MYO15A: variants seen among roughly 807,000 people sequenced by gnomAD.
MYO15A encodes myosin XVA, also known as unconventional myosin-XV.
MYO15A carries 308 observed loss-of-function variants against 394.6 expected under a neutral mutation model. The observed-to-expected ratio is 0.78, with a 90% CI of 0.71 to 0.86. MYO15A has a LOEUF of 0.86. Ranked by LOEUF, MYO15A falls within the 40% of genes least tolerant of loss-of-function variation. The pLI, the probability that MYO15A is intolerant of heterozygous loss-of-function variation, is 0.00. For missense variants in MYO15A, 4,606 were observed against 4,799.1 expected (o/e 0.96, Z 1.19); for synonymous variants, 1,957 against 2,003.8 (o/e 0.98, Z 0.62).
chr17:18,162,198 A>C (rs1254725692), intron 57 of MYO15A, among the ~76,000 whole-genome samples: 2 of 152,062 alleles, frequency 1.3e-5, no homozygotes, highest in African/African-American at 4.8e-5. Context: ...TGGGTGAGGG[A>C]GGGCAGCTGG....
intron 6 of MYO15A, 95 bp downstream of exon 6, chr17:18,126,960 C>T (rs1193104699): frequency 6.3e-7 from 1 of 1,593,100 alleles, no homozygotes; most frequent in African/African-American, 1.3e-5. Context: ...GGAAGATTGC[C>T]TGGTACCTCT....
At chr17:18,170,215 C>A (rs193108131) in intron 62 of MYO15A, among the ~76,000 whole-genome samples, 45 of 152,112 alleles carry the variant, frequency 3.0e-4, no homozygotes, top group African/African-American at 1.0e-3. Flanking sequence ...TGATTTTCAA[C>A]CCCCTCGACC....
In MYO15A at chr17:18,121,798, C is replaced by G. The variant is rs765671886; in HGVS notation, c.2998C>G (p.Gln1000Glu). The change falls in exon 2 of 66, where the codon CAG becomes GAG. Residue 1000 changes from glutamine to glutamate, a missense_variant. Coordinates refer to ENST00000647165, the MANE Select transcript of MYO15A (RefSeq NM_016239.4). The surrounding 1 kb of genome is among the most constrained non-coding windows in gnomAD (Gnocchi z 5.3). ...LGRHHEPGPG[Q>E]LTKSAGPTPE... ...CAGACACCATGAGCCGGGGCCTGGA[C>G]AGCTCACCAAATCAGCTGGCCCAAC... The G allele has an allele frequency of 4.3e-6, 7 of 1,612,702 alleles. No homozygotes were observed. The highest frequency in any genetic ancestry group is 5.9e-6 in the Non-Finnish European group (7 of 1,179,886).
chr17:18,126,286 G>C, intron 4 of MYO15A, 61 bp from the exon 5 acceptor site: 1 of 1,342,854 alleles, frequency 7.4e-7, no homozygotes, highest in Admixed American at 1.7e-5. Context: ...CAGCATAGGG[G>C]AGGGAGGGAC....
At chr17:18,124,665 G>A in intron 3 of MYO15A, 100 bp downstream of exon 3, 1 of 1,089,126 alleles carries the variant, frequency 9.2e-7, no homozygotes, top group Non-Finnish European at 1.3e-6. Flanking sequence ...CACCTCCCAG[G>A]ACATTTTCAG....
Position 18,122,029 on chromosome 17 carries a change from C to T in MYO15A, c.3229C>T (p.Pro1077Ser). ...ACDQTRATWP[P>S]WHRWGTLPQA... ...TGACCAGACCAGGGCCACATGGCCA[C>T]CATGGCACCGCTGGGGAACACTGCC... The change falls in exon 2 of 66, where the codon CCA becomes TCA. Residue 1077 changes from proline (P) to serine (S), a missense_variant. Around this residue, in one of 2 missense-constraint regions of MYO15A, gnomAD observed 1,830 missense variants for 1,689.7 expected, o/e 1.08. Transcript: ENST00000647165. The T allele has an allele frequency of 6.2e-7, 1 of 1,613,104 alleles. No individual in the cohort carries two copies. Among genetic ancestry groups the T allele is most frequent in the Non-Finnish European group, 8.5e-7 (1 of 1,180,018 alleles).
intron 15 of MYO15A, among the ~76,000 whole-genome samples, 186 bp downstream of exon 15, chr17:18,136,872 C>A (rs1332624082): frequency 6.6e-6 from 1 of 152,264 alleles, no homozygotes; most frequent in African/African-American, 2.4e-5. Context: ...CAAGTACTCC[C>A]AAGGCCTCTG....
chr17:18,175,571 C>G (rs2047003795), intron 65 of MYO15A, among the ~76,000 whole-genome samples: 1 of 151,996 alleles, frequency 6.6e-6, no homozygotes, highest in Non-Finnish European at 1.5e-5. Flanking sequence ...GAGGGGCGTA[C>G]ATGTGTAAGC....
chr17:18,113,433 C>T (rs1184030943), intron 1 of MYO15A, among the ~76,000 whole-genome samples: 1 of 152,128 alleles, frequency 6.6e-6, no homozygotes, highest in Non-Finnish European at 1.5e-5. Context: ...CTCCTGGCTG[C>T]AGTATTTCTA....
intron 1 of MYO15A, among the ~76,000 whole-genome samples, chr17:18,111,233 G>A (rs2045715923): frequency 6.6e-6 from 1 of 151,768 alleles, no homozygotes; most frequent in African/African-American, 2.4e-5. Flanking sequence ...TGCTTGGGCA[G>A]CTGAGGTGGG....
rs1364037891 is a variant in MYO15A, at chr17:18,147,915, T to C, written c.6510-114T>C. On this transcript the variant is annotated intron_variant, in intron 30 of 65. Transcript: ENST00000647165. This position sits in a 1 kb window ranked among gnomAD's most constrained non-coding sequence, Gnocchi z 4.4. ...TTAGCCTCACCTTGGAGCTCTGGAG[T>C]AGCCTGGGCCTTTCTCAGACTAGCC... is the stretch of plus-strand genomic sequence containing the variant. 1 of 1,335,510 alleles carries C rather than the reference T, an allele frequency of 7.5e-7. No individual in the cohort carries two copies. Among genetic ancestry groups the C allele is most frequent in the Non-Finnish European group, 1.1e-6 (1 of 937,150 alleles). 82.7% of individuals were successfully genotyped at this position (1,335,510 alleles called of 1,614,324 possible). A position where few individuals can be genotyped will look rare whatever the true frequency, so the allele number is the denominator to read the frequency against.
At chr17:18,110,776 A>G (rs888413260) in intron 1 of MYO15A, among the ~76,000 whole-genome samples, 1 of 152,130 alleles carries the variant, frequency 6.6e-6, no homozygotes, top group African/African-American at 2.4e-5. Context: ...CACCCTGGCC[A>G]CCTCTCATTT....
Position 18,137,565 on chromosome 17 carries a change from AC to A in MYO15A, c.4780-14del, listed in dbSNP as rs2046301754. On this transcript the variant is annotated intron_variant, in intron 15 of 65. Transcript: ENST00000647165. ...TGGCCAAGGAAGGACCAGTCCCAGC[AC>A]CCCCATCCACCTGGCAGGACCTGAG... The A allele has an allele frequency of 1.2e-6, 2 of 1,611,606 alleles. No homozygotes were observed. Among genetic ancestry groups the A allele is most frequent in the African/African-American group, 1.3e-5 (1 of 74,984 alleles).
At chr17:18,115,042 T>C (rs2975001) in intron 1 of MYO15A, among the ~76,000 whole-genome samples, 139,314 of 152,198 alleles carry the variant, frequency 0.92, 63,790 homozygotes, top group South Asian at 0.96. Flanking sequence ...ATTTGCTCTG[T>C]CTGCAGCCTT....
Position 18,179,025 on chromosome 17 carries a change from A to G in MYO15A, c.*155A>G. The G allele has an allele frequency of 1.4e-6, 1 of 732,740 alleles. No individual in the cohort carries two copies. Among genetic ancestry groups the G allele is most frequent in the Non-Finnish European group, 2.4e-6 (1 of 424,556 alleles). 45.4% of individuals were successfully genotyped at this position (732,740 alleles called of 1,614,324 possible). On this transcript the variant is annotated 3_prime_UTR_variant, in exon 66 of 66. Coordinates refer to ENST00000647165, the MANE Select transcript of MYO15A (RefSeq NM_016239.4). Reference sequence around the variant, plus strand: ...GGAGGAGCAACTCAAATCCCCAAGAACACAAGAAGACCCATCCTGAACTGG... The same window carrying G: ...GGAGGAGCAACTCAAATCCCCAAGAGCACAAGAAGACCCATCCTGAACTGG...
At chr17:18,138,066 G>GGGGGGGGGGGGA in intron 16 of MYO15A, 49 bp from the exon 17 acceptor site, 1 of 558,810 alleles carries the variant, frequency 1.8e-6, no homozygotes, top group Non-Finnish European at 3.0e-6. Flanking sequence ...GGGTGGGTGG[G>GGGGGGGGGGGGA]CCCTGGACAG....
chr17:18,141,935 C>T, intron 23 of MYO15A, 144 bp from the exon 24 acceptor site: 1 of 1,227,940 alleles, frequency 8.1e-7, no homozygotes, highest in Non-Finnish European at 1.2e-6. Context: ...CTCTCTTCAA[C>T]CTCTCCAAGT....
chr17:18,164,406 A>C (rs898101536), intron 60 of MYO15A: 2 of 183,938 alleles, frequency 1.1e-5, no homozygotes, highest in Non-Finnish European at 1.1e-5. Context: ...AGCTCTCCCT[A>C]CTGCTGCCTC....
intron 4 of MYO15A, 22 bp from the exon 5 acceptor site, chr17:18,126,325 G>A (rs1238988778): frequency 6.2e-7 from 1 of 1,606,282 alleles, no homozygotes; most frequent in East Asian, 2.2e-5. Flanking sequence ...CCACGACGCT[G>A]AGGCCACCGT....
Sources: gnomAD v4.1 joint callset for allele counts (sites outside exome capture counted in the v4.1 genomes callset) on GRCh38, gnomAD v4.1.1 for gene constraint, gnomAD v4.1.1 regional missense constraint, Gnocchi (gnomAD v3.1) non-coding constraint, MANE v1.5 for transcripts, NCBI Gene and HGNC (gene_info 2026-07-23, HGNC 2026-07-21) for gene names.